Variants in DICER1 observed in about 807,000 individuals in gnomAD.
DICER1 encodes the protein endoribonuclease Dicer.
DICER1 carries 43 observed loss-of-function variants against 194.1 expected under a neutral mutation model. The ratio of observed to expected loss-of-function variants is 0.22; its 90% CI spans 0.17 to 0.29. DICER1 has a LOEUF of 0.29. Among genes scored for constraint, DICER1 ranks in the 10% least tolerant of loss-of-function variants. The pLI, the probability that DICER1 is intolerant of heterozygous loss-of-function variation, is 1.00. For missense variants in DICER1, 1,608 were observed against 2,317.0 expected, an observed-to-expected ratio of 0.69 and a Z score of 6.28; for synonymous variants, 832 against 820.5, an observed-to-expected ratio of 1.01 and a Z score of -0.24.
At chr14:95,115,631 T>A in intron 11 of DICER1, 36 bp downstream of exon 11, 1 of 1,612,038 alleles carries the variant, frequency 6.2e-7, no homozygotes, top group East Asian at 2.2e-5. Context: ...TGTGCAACAT[T>A]CCCAGGTTTT....
At chr14:95,129,927 A>G (rs1243588921) in intron 5 of DICER1, 131 bp downstream of exon 5, 3 of 768,546 alleles carry the variant, frequency 3.9e-6, no homozygotes, top group Non-Finnish European at 6.3e-6. Context: ...TTTAATATTC[A>G]TTCATTCATA....
At chr14:95,118,355 A>G (rs1017094976) in intron 8 of DICER1, among the ~76,000 whole-genome samples, 4 of 152,194 alleles carry the variant, frequency 2.6e-5, no homozygotes, top group African/African-American at 9.7e-5. Flanking sequence ...AGCAGAGCCC[A>G]TGGGAAAGAA....
At chr14:95,104,299 C>G (rs2139974762) in intron 20 of DICER1, among the ~76,000 whole-genome samples, 173 bp from the exon 21 acceptor site, 1 of 152,270 alleles carries the variant, frequency 6.6e-6, no homozygotes, top group African/African-American at 2.4e-5. Context: ...TAAAGTGGGA[C>G]ATGGTTTTAT....
At chr14:95,099,220 G>A (rs1257490506) in intron 22 of DICER1, among the ~76,000 whole-genome samples, 3 of 152,066 alleles carry the variant, frequency 2.0e-5, no homozygotes, top group Admixed American at 6.6e-5. Context: ...AAAATGAAGT[G>A]GCTGTTGCTG....
chr14:95,095,694 TC>T, intron 23 of DICER1, 130 bp downstream of exon 23: 1 of 994,818 alleles, frequency 1.0e-6, no homozygotes, highest in Non-Finnish European at 1.5e-6. Flanking sequence ...TTCCTTTTGT[TC>T]CCCGCCCCAT....
chr14:95,152,879 G>T (rs1436813012), intron 1 of DICER1, among the ~76,000 whole-genome samples: 1 of 152,062 alleles, frequency 6.6e-6, no homozygotes, highest in Admixed American at 6.5e-5. Flanking sequence ...TATACACCAC[G>T]ATACAACCAG....
At chr14:95,103,275 A>C (rs1331411334) in intron 21 of DICER1, 71 bp downstream of exon 21, 6 of 1,483,024 alleles carry the variant, frequency 4.0e-6, no homozygotes, top group Non-Finnish European at 5.6e-6. Flanking sequence ...CTCTGAGATT[A>C]TCCAACACTG....
Position 95,095,931 on chromosome 14 carries a change from T to C in DICER1, c.4989A>G (p.Ile1663Met), listed in dbSNP as rs1253443798. Residue 1663 changes from isoleucine to methionine, a missense_variant, in exon 23 of 27, where the codon ATA (isoleucine) becomes ATG (methionine). By Grantham distance (10) the Ile-to-Met change is conservative (BLOSUM62 1). Around this residue, in one of 10 missense-constraint regions of DICER1, gnomAD observed 125 missense variants for 134.9 expected, o/e 0.93. Coordinates refer to ENST00000343455, the MANE Select transcript of DICER1 (RefSeq NM_177438.3). ...PDADKTLNHLISGFENFEKKI... is the reference protein window; with the variant it reads ...PDADKTLNHLMSGFENFEKKI... ...TCTTTTCAAAATTTTCAAACCCCGA[T>C]ATAAGGTGATTCAGTGTTTTATCTG... is the stretch of plus-strand genomic sequence containing the variant. The C allele has an allele frequency of 1.9e-6, 3 of 1,614,198 alleles. No homozygotes were observed. Among genetic ancestry groups the C allele is most frequent in the Admixed American group, 1.7e-5 (1 of 60,026 alleles).
At position 95,103,455 on chromosome 14, in the gene DICER1, C is replaced by T. The variant is rs1891080087; in HGVS notation, c.3941G>A (p.Arg1314Gln). ...AAAGGAGTCGCCAAGCATTTCAAGC[C>T]GCTCCAGGTTAAATCCATCACTAGC... ...SNASDGFNLE[R>Q]LEMLGDSFLK... The change falls in exon 21 of 27, where the codon CGG becomes CAG. Residue 1314 changes from arginine (R) to glutamine (Q), a missense_variant. Transcript: ENST00000343455. 1 of 1,614,136 alleles carries T rather than the reference C, an allele frequency of 6.2e-7. No homozygotes were observed. Among genetic ancestry groups the T allele is most frequent in the Non-Finnish European group, 8.5e-7 (1 of 1,180,022 alleles).
chr14:95,091,492 T>C (rs1889838873), intron 24 of DICER1, 127 bp from the exon 25 acceptor site: 2 of 858,978 alleles, frequency 2.3e-6, no homozygotes, highest in Non-Finnish European at 4.0e-6. Flanking sequence ...ATACCATTTA[T>C]GGTATGCCTA....
intron 13 of DICER1, among the ~76,000 whole-genome samples, chr14:95,111,682 G>A (rs1335359844): frequency 1.4e-5 from 2 of 147,596 alleles, no homozygotes; most frequent in African/African-American, 5.0e-5. Context: ...CTAAGGTTCA[G>A]AAACAAAAAC....
chr14:95,139,216 T>C (rs987754655), intron 1 of DICER1, among the ~76,000 whole-genome samples: 1 of 152,216 alleles, frequency 6.6e-6, no homozygotes, highest in Admixed American at 6.5e-5. Flanking sequence ...ATAGTCTTAA[T>C]CCATAAAATG....
chr14:95,135,177 T>C, intron 1 of DICER1, among the ~76,000 whole-genome samples: 1 of 152,212 alleles, frequency 6.6e-6, no homozygotes, highest in East Asian at 1.9e-4. Context: ...ACTCTCGTGA[T>C]ACCTCCACAA....
chr14:95,141,965 G>GATAA (rs918682070), intron 1 of DICER1, among the ~76,000 whole-genome samples: 3 of 152,236 alleles, frequency 2.0e-5, no homozygotes, highest in Admixed American at 2.0e-4. Context: ...AGATAGAAGG[G>GATAA]ATAACTCTTG....
intron 17 of DICER1, 37 bp downstream of exon 17, chr14:95,107,571 G>A (rs1374957294): frequency 6.2e-7 from 1 of 1,610,346 alleles, no homozygotes. Context: ...TTAAAACAAA[G>A]TATCACCACC....
chr14:95,106,602 C>T (rs1237337651), intron 17 of DICER1, among the ~76,000 whole-genome samples: 6 of 151,558 alleles, frequency 4.0e-5, no homozygotes, highest in South Asian at 2.1e-4. Flanking sequence ...TCATATAAAA[C>T]GTATTACTGC....
In DICER1 at chr14:95,111,472, A is replaced by G. The variant is rs1349721629; in HGVS notation, c.2117-16T>C. ...TCCAGTTCGCCTAACAAATTTAAAG[A>G]GAGAATTAACACAATCCAGATTTTG... is the stretch of plus-strand genomic sequence containing the variant. On this transcript the variant is annotated splice_polypyrimidine_tract_variant and intron_variant, in intron 13 of 26. Transcript: ENST00000343455. 6.2e-7 allele frequency: 1 copy of G among 1,613,704 alleles called. No individual in the cohort carries two copies. Among genetic ancestry groups the G allele is most frequent in the African/African-American group, 1.3e-5 (1 of 74,926 alleles).
In DICER1 at chr14:95,115,827, C is replaced by T. The variant is rs200569366; in HGVS notation, c.1753-6G>A. Reference sequence around the variant, plus strand: ...GAACACTTGTTTCTCAAGATCTGAACATTTAAAAAACAGAACTTATGATGA... The same window carrying T: ...GAACACTTGTTTCTCAAGATCTGAATATTTAAAAAACAGAACTTATGATGA... On this transcript the variant is annotated splice_polypyrimidine_tract_variant and splice_region_variant and intron_variant, in intron 10 of 26. Transcript: ENST00000343455. The T allele has an allele frequency of 1.7e-5, 28 of 1,614,000 alleles. No homozygotes were observed. In the East Asian group the frequency reaches 3.1e-4, roughly 18 times the overall value.
Position 95,117,392 on chromosome 14 carries a change from G to A in DICER1, c.1509+230C>T, listed in dbSNP as rs17784012. Among the ~76,000 whole-genome samples the A allele has an allele frequency of 7.5e-3, 1,148 of 152,232 alleles. 7 individuals carry two copies. The highest frequency in any genetic ancestry group is 0.024 in the Admixed American group (361 of 15,294). Reference sequence around the variant, plus strand: ...AATCACAGAAAATAAGTTGGTTGATGGCAATTAAGACACAAAATTGGTTTG... The same window carrying A: ...AATCACAGAAAATAAGTTGGTTGATAGCAATTAAGACACAAAATTGGTTTG... On this transcript the variant is annotated intron_variant, in intron 9 of 26. Coordinates refer to ENST00000343455, the MANE Select transcript of DICER1 (RefSeq NM_177438.3).
Sources: gnomAD v4.1 joint callset for allele counts (sites outside exome capture counted in the v4.1 genomes callset) on GRCh38, gnomAD v4.1.1 for gene constraint, gnomAD v4.1.1 regional missense constraint, MANE v1.5 for transcripts, NCBI Gene and HGNC (gene_info 2026-07-23, HGNC 2026-07-21) for gene names.